EXT2: variants seen among roughly 807,000 people sequenced by gnomAD.
EXT2 encodes exostosin glycosyltransferase 2, also known as exostosin-2.
EXT2 carries 53 observed loss-of-function variants against 81.6 expected under a neutral mutation model. The observed-to-expected ratio is 0.65, with a 90% CI of 0.52 to 0.82. The LOEUF (loss-of-function observed/expected upper bound fraction) is 0.82, where lower values mean the gene tolerates loss of function less well. Among genes scored for constraint, EXT2 ranks in the 40% least tolerant of loss-of-function variants. The pLI is 0.00. For missense variants in EXT2, 774 were observed against 910.2 expected (o/e 0.85, Z 1.93); for synonymous variants, 320 against 340.0 (o/e 0.94, Z 0.65).
At chr11:44,117,509 A>C (rs1454140454) in intron 4 of EXT2, among the ~76,000 whole-genome samples, 2 of 152,180 alleles carry the variant, frequency 1.3e-5, no homozygotes, top group East Asian at 3.8e-4. Flanking sequence ...GTGGGGGTCC[A>C]ACTTCATTCT....
intron 7 of EXT2, among the ~76,000 whole-genome samples, chr11:44,136,324 G>A (rs892795994): frequency 6.6e-6 from 1 of 152,136 alleles, no homozygotes; most frequent in African/African-American, 2.4e-5. Context: ...ATTTTTTTAT[G>A]TGAAGAAACT....
intron 8 of EXT2, among the ~76,000 whole-genome samples, chr11:44,192,949 G>A (rs1955411495): frequency 1.3e-5 from 2 of 152,154 alleles, no homozygotes; most frequent in African/African-American, 4.8e-5. Context: ...ACATAAGGGG[G>A]ACTGATAAAA....
intron 1 of EXT2, among the ~76,000 whole-genome samples, chr11:44,103,109 A>G (rs1954008902): frequency 1.3e-5 from 2 of 152,058 alleles, no homozygotes; most frequent in South Asian, 4.1e-4. Context: ...TGTGTTCTAA[A>G]TATTTTATAG....
In EXT2 at chr11:44,198,006, A is replaced by T; in HGVS notation, c.1483A>T (p.Asn495Tyr). ...LLVVWNNQNK[N>Y]PPEDSLWPKI... ...TGTCGTCTGGAATAATCAGAATAAA[A>T]ACCCTCCAGAAGGTAAGAAGCCTTA... The change falls in exon 9 of 14, where the codon AAC becomes TAC. Residue 495 changes from asparagine to tyrosine, a missense_variant. Transcript: ENST00000533608. 2 of 1,614,076 alleles carry T rather than the reference A, an allele frequency of 1.2e-6. No homozygotes were observed. The highest frequency in any genetic ancestry group is 1.7e-6 in the Non-Finnish European group (2 of 1,179,970).
chr11:44,199,095 C>A (rs2135187923), intron 9 of EXT2, among the ~76,000 whole-genome samples: 1 of 152,256 alleles, frequency 6.6e-6, no homozygotes, highest in South Asian at 2.1e-4. Flanking sequence ...CTGTATTATT[C>A]CCTGATTTTT....
intron 4 of EXT2, among the ~76,000 whole-genome samples, chr11:44,122,481 C>T (rs1954332892): frequency 6.6e-6 from 1 of 152,104 alleles, no homozygotes; most frequent in African/African-American, 2.4e-5. Flanking sequence ...CTAAGTCATC[C>T]TCTGAAAATT....
At chr11:44,179,296 G>T (rs146289990) in intron 8 of EXT2, among the ~76,000 whole-genome samples, 1 of 152,162 alleles carries the variant, frequency 6.6e-6, no homozygotes, top group African/African-American at 2.4e-5. Flanking sequence ...ACACATCTGC[G>T]TGGCAGCCCC....
At chr11:44,180,604 T>C (rs896794021) in intron 8 of EXT2, among the ~76,000 whole-genome samples, 1 of 152,204 alleles carries the variant, frequency 6.6e-6, no homozygotes, top group African/African-American at 2.4e-5. Context: ...TCGGTTCCAG[T>C]CTGCAGTGAT....
intron 4 of EXT2, among the ~76,000 whole-genome samples, chr11:44,123,172 C>G (rs1046505451): frequency 2.0e-5 from 3 of 152,158 alleles, no homozygotes; most frequent in Admixed American, 1.3e-4. Flanking sequence ...GCTTAATCCT[C>G]TATAAAAGGA....
At chr11:44,182,869 C>T (rs780882527) in intron 8 of EXT2, among the ~76,000 whole-genome samples, 32 of 152,194 alleles carry the variant, frequency 2.1e-4, no homozygotes, top group Non-Finnish European at 7.3e-5. Flanking sequence ...AAATCCAAGA[C>T]CATGCATTGC....
chr11:44,149,917 A>G (rs1954770845), intron 7 of EXT2, among the ~76,000 whole-genome samples: 1 of 152,168 alleles, frequency 6.6e-6, no homozygotes, highest in African/African-American at 2.4e-5. Context: ...GTAATAATAG[A>G]TTTAGAACTC....
At chr11:44,229,803 G>A (rs1955877889) in intron 10 of EXT2, among the ~76,000 whole-genome samples, 1 of 152,160 alleles carries the variant, frequency 6.6e-6, no homozygotes, top group Admixed American at 6.5e-5. Context: ...GAAAAGAGAA[G>A]GATTTTTGGT....
chr11:44,103,747 T>C, intron 1 of EXT2: 2 of 378,380 alleles, frequency 5.3e-6, no homozygotes, highest in Non-Finnish European at 1.0e-5. Flanking sequence ...ATGCTTTTGG[T>C]AAGTATATTT....
chr11:44,153,708 G>A (rs1355702094), intron 7 of EXT2, among the ~76,000 whole-genome samples: 6 of 151,940 alleles, frequency 3.9e-5, no homozygotes, highest in African/African-American at 1.4e-4. Context: ...TTTGCTGAGA[G>A]TTTTTATCAT....
At chr11:44,218,112 T>G (rs184567737) in intron 10 of EXT2, among the ~76,000 whole-genome samples, 5 of 152,226 alleles carry the variant, frequency 3.3e-5, no homozygotes, top group Admixed American at 2.6e-4. Context: ...TCCTGAGTGC[T>G]AATACATTGT....
chr11:44,232,601 C>T, intron 11 of EXT2, 105 bp downstream of exon 11: 1 of 1,417,474 alleles, frequency 7.1e-7, no homozygotes. Context: ...TTAGAAAAGC[C>T]ATATTGTGTG....
At chr11:44,143,350 T>C (rs7131562) in intron 7 of EXT2, among the ~76,000 whole-genome samples, 137,943 of 152,222 alleles carry the variant, frequency 0.91, 62,653 homozygotes, top group East Asian at 0.99. Context: ...GAGAGGGATA[T>C]GATTCCCTGG....
At chr11:44,181,766 T>C (rs963907900) in intron 8 of EXT2, among the ~76,000 whole-genome samples, 6 of 152,248 alleles carry the variant, frequency 3.9e-5, no homozygotes, top group Non-Finnish European at 8.8e-5. Context: ...TTTTATTGTT[T>C]GGTTTCTTTG....
At chr11:44,219,659 G>A (rs180792758) in intron 10 of EXT2, among the ~76,000 whole-genome samples, 6 of 152,156 alleles carry the variant, frequency 3.9e-5, no homozygotes, top group African/African-American at 1.2e-4. Flanking sequence ...GGGAATCCAG[G>A]AGGGTCTCTG....
Sources: allele counts gnomAD v4.1 joint callset (sites outside exome capture counted in the v4.1 genomes callset), GRCh38; gene constraint gnomAD v4.1.1; transcripts MANE v1.5; gene names NCBI Gene and HGNC (gene_info 2026-07-23, HGNC 2026-07-21).